Variants in CSF2RA observed in about 807,000 individuals in gnomAD.
CSF2RA encodes the protein colony stimulating factor 2 receptor subunit alpha, also known as granulocyte-macrophage colony-stimulating factor receptor subunit alpha.
CSF2RA carries 42 observed loss-of-function variants against 51.6 expected under a neutral mutation model. The observed-to-expected ratio is 0.81, with a 90% CI of 0.64 to 1.05. The LOEUF is 1.05. Ranked by LOEUF, CSF2RA falls within the 50% of genes least tolerant of loss-of-function variation. CSF2RA has a pLI of 0.00. For missense variants in CSF2RA, 530 were observed against 501.1 expected, an observed-to-expected ratio of 1.06 and a Z score of -0.55; for synonymous variants, 222 against 193.0, an observed-to-expected ratio of 1.15 and a Z score of -1.24.
downstream of CSF2RA, among the ~76,000 whole-genome samples, chrX:1,314,570 T>G (rs1246513172): frequency 3.3e-4 from 23 of 70,300 alleles, 2 homozygotes; most frequent in African/African-American, 1.3e-3. Flanking sequence ...CCAATCCCAC[T>G]GCACCTGCCC....
chrX:1,300,807 C>T lies in CSF2RA; in HGVS notation c.946+181C>T, dbSNP rs1454890156. On this transcript the variant is annotated intron_variant, in intron 10 of 12. Transcript: ENST00000381529. The stretch of plus-strand genomic sequence containing the variant: ...AAGGAGGTGGTCTCGTACTTGGTCC[C>T]GCAACATTGCTTTGCTGATGTTTTT... Among the ~76,000 whole-genome samples, 41 of 152,028 alleles carry T rather than the reference C, an allele frequency of 2.7e-4. 1 individual carries two copies. The highest frequency in any genetic ancestry group is 6.6e-4 in the Admixed American group (10 of 15,216).
intron 3 of CSF2RA, 131 bp from the exon 4 acceptor site, chrX:1,285,642 CAGTGA>C: frequency 9.7e-7 from 1 of 1,029,942 alleles, no homozygotes. Context: ...TTGCAGCTTG[CAGTGA>C]CCTGAGATCA....
chrX:1,299,285 C>T (rs1364680263), intron 9 of CSF2RA, among the ~76,000 whole-genome samples: 1 of 152,174 alleles, frequency 6.6e-6, no homozygotes, highest in Non-Finnish European at 1.5e-5. Context: ...CGGGTATTTA[C>T]CAAGTCTCGC....
intron 6 of CSF2RA, chrX:1,289,184 T>C: frequency 2.3e-6 from 1 of 442,092 alleles, no homozygotes; most frequent in Non-Finnish European, 4.2e-6. Context: ...AGTGTAGTGA[T>C]GTGATCTCAG....
intron 12 of CSF2RA, chrX:1,305,853 T>C (rs1359980657): frequency 4.1e-6 from 6 of 1,454,360 alleles, no homozygotes; most frequent in Non-Finnish European, 5.7e-6. Context: ...GGTTGAGGCA[T>C]GTGGATCATC....
At position 1,279,070 on chromosome X, in the gene CSF2RA, C is replaced by T. The variant is rs1405258552; in HGVS notation, c.-26-3608C>T. Among the ~76,000 whole-genome samples, 67 of 147,024 alleles carry T rather than the reference C, an allele frequency of 4.6e-4. 1 individual carries two copies. The highest frequency in any genetic ancestry group is 4.2e-4 in the Admixed American group (6 of 14,282). On this transcript the variant is annotated intron_variant, in intron 2 of 12. Coordinates refer to ENST00000381529, the MANE Select transcript of CSF2RA (RefSeq NM_172245.4). ...AAATAAATAAGTCAACCAAGAAGGC[C>T]GTACGTACAGTGGCTCACACCTGTC...
intron 10 of CSF2RA, among the ~76,000 whole-genome samples, chrX:1,301,952 T>C (rs1371068152): frequency 1.4e-5 from 2 of 145,828 alleles, no homozygotes; most frequent in Non-Finnish European, 3.0e-5. Flanking sequence ...GTTTCGCTCT[T>C]GTTGCCCAGG....
intron 7 of CSF2RA, among the ~76,000 whole-genome samples, chrX:1,292,327 G>A (rs1225211870): frequency 6.6e-6 from 1 of 152,210 alleles, no homozygotes; most frequent in African/African-American, 2.4e-5. Flanking sequence ...GGTATTTCTC[G>A]TCAGGTGGGA....
chrX:1,288,140 G>T lies in CSF2RA; in HGVS notation c.220-379G>T, dbSNP rs1422981532. Among the ~76,000 whole-genome samples, 10 of 152,008 alleles carry T rather than the reference G, an allele frequency of 6.6e-5. No individual in the cohort carries two copies. In the East Asian group the frequency reaches 1.7e-3, roughly 27 times the overall value. Reference sequence around the variant, plus strand: ...AGAGCCCTCGGAGGAAGCTTAGGGGGATGATTTCACAAAGGGAGGCAGGTG... The same window carrying T: ...AGAGCCCTCGGAGGAAGCTTAGGGGTATGATTTCACAAAGGGAGGCAGGTG... On this transcript the variant is annotated intron_variant, in intron 4 of 12. Transcript: ENST00000381529.
chrX:1,272,347 A>T, intron 1 of CSF2RA, among the ~76,000 whole-genome samples: 1 of 81,940 alleles, frequency 1.2e-5, no homozygotes. Flanking sequence ...CACCACATTG[A>T]GACTACAGAA....
At chrX:1,280,874 TCTCCTGCTCCTTCTCCTCCTCCTC>T (rs2089850106) in intron 2 of CSF2RA, among the ~76,000 whole-genome samples, 3 of 37,934 alleles carry the variant, frequency 7.9e-5, no homozygotes, top group East Asian at 1.2e-3. Context: ...TCCTCCTCCT[TCTCCTGCTCCTTCTCCTCCTCCTC>T]CTCCTGCTCC....
chrX:1,314,472 CAA>C (rs2084385933), downstream of CSF2RA, among the ~76,000 whole-genome samples: 3 of 147,184 alleles, frequency 2.0e-5, no homozygotes, highest in African/African-American at 7.8e-5. Context: ...TGCCCAACCC[CAA>C]TGCACCTACC....
intron 2 of CSF2RA, chrX:1,282,251 T>C (rs1234712081): frequency 2.1e-5 from 4 of 192,138 alleles, no homozygotes; most frequent in Non-Finnish European, 4.4e-5. Context: ...ACAAAAGTTA[T>C]GAAAATGAAA....
At chrX:1,282,813 G>A (rs181050009) in intron 3 of CSF2RA, 34 bp downstream of exon 3, 34 of 1,573,418 alleles carry the variant, frequency 2.2e-5, no homozygotes, top group Middle Eastern at 3.3e-4. Flanking sequence ...CCTTCTCCGC[G>A]GCCCCTGTTT....
At position 1,274,776 on chromosome X, in the gene CSF2RA, G is replaced by A. The variant is rs1432940667; in HGVS notation, c.-69G>A. ...ACAGTTTACAGCAGGAAAATCCGTG[G>A]AGACAGCAGATCCGAGAAGCGGCGA... On this transcript the variant is annotated 5_prime_UTR_variant, in exon 2 of 13. It introduces an in-frame stop codon into an upstream open reading frame of the 5' UTR. Transcript: ENST00000381529. 6 of 453,346 alleles carry A rather than the reference G, an allele frequency of 1.3e-5. No homozygotes were observed. The highest frequency in any genetic ancestry group is 1.2e-4 in the African/African-American group (6 of 49,854). The allele number at this position is 453,346 out of a possible 1,614,324, so 28.1% of individuals were successfully genotyped here.
chrX:1,316,269 GATAGA>G, the CSF2RA span, among the ~76,000 whole-genome samples: 1,350 of 136,104 alleles, frequency 9.9e-3, 21 homozygotes, highest in African/African-American at 0.032. Context: ...ATGATAGATA[GATAGA>G]TAGATAGATA....
At chrX:1,322,989 C>T in the CSF2RA span, among the ~76,000 whole-genome samples, 2 of 151,330 alleles carry the variant, frequency 1.3e-5, no homozygotes, top group African/African-American at 4.9e-5. Flanking sequence ...ATTAGCCGGG[C>T]GTGGTGGCGG....
chrX:1,319,396 C>T, the CSF2RA span, among the ~76,000 whole-genome samples: 1 of 149,792 alleles, frequency 6.7e-6, no homozygotes, highest in African/African-American at 2.4e-5. Flanking sequence ...TAGCGATCCT[C>T]CTCTCTCAGT....
the CSF2RA span, among the ~76,000 whole-genome samples, chrX:1,322,682 G>A: frequency 6.6e-6 from 1 of 151,816 alleles, no homozygotes; most frequent in Non-Finnish European, 1.5e-5. Flanking sequence ...ACAATGGACA[G>A]AGCGACGTCC....
Sources: gnomAD v4.1 joint callset for allele counts (sites outside exome capture counted in the v4.1 genomes callset) on GRCh38, gnomAD v4.1.1 for gene constraint, MANE v1.5 for transcripts, NCBI Gene and HGNC (gene_info 2026-07-23, HGNC 2026-07-21) for gene names.